The following PLBD2 variants were observed in gnomAD, a reference collection of about 807,000 sequenced individuals.
PLBD2 encodes putative aminopeptidase PLBD2.
A neutral mutation model predicts 68.3 loss-of-function variants in PLBD2; 51 were observed. That is an observed-to-expected ratio of 0.75 (90% CI 0.60 to 0.94). The LOEUF (loss-of-function observed/expected upper bound fraction) is 0.94, where lower values mean the gene tolerates loss of function less well. Ranked by LOEUF, PLBD2 falls within the 40% of genes least tolerant of loss-of-function variation. PLBD2 has a pLI of 0.00. For synonymous variants in PLBD2, 314 were observed against 339.3 expected (o/e 0.93, Z 0.82); for missense variants, 729 against 792.2 (o/e 0.92, Z 0.96).
At chr12:113,383,993 T>G in intron 6 of PLBD2, 112 bp from the exon 7 acceptor site, 1 of 830,784 alleles carries the variant, frequency 1.2e-6, no homozygotes, top group Non-Finnish European at 1.7e-6. Context: ...TGAGACTCTA[T>G]CTCAAAAAAA....
In PLBD2 at chr12:113,388,493, T is replaced by A. The variant is rs1259191772; in HGVS notation, c.1637T>A (p.Leu546Gln). 2 of 1,604,434 alleles carry A rather than the reference T, an allele frequency of 1.2e-6. No homozygotes were observed. The highest frequency in any genetic ancestry group is 4.5e-5 in the East Asian group (2 of 44,548). ...ATGTCACTGGCCAGGATCCTGAGCC[T>A]GCTGGCGGCCAGCGGTCCCACGTGG... ...TSMSLARILS[L>Q]LAASGPTWDQ... The change falls in exon 12 of 12, where the codon CTG becomes CAG. Residue 546 changes from leucine to glutamine, a missense_variant. Physicochemically the swap from Leu to Gln is moderately radical, Grantham distance 113 (BLOSUM62 -2). Coordinates refer to ENST00000280800, the MANE Select transcript of PLBD2 (RefSeq NM_173542.4).
At chr12:113,382,689 C>G (rs1367327104) in intron 6 of PLBD2, among the ~76,000 whole-genome samples, 1 of 151,776 alleles carries the variant, frequency 6.6e-6, no homozygotes, top group South Asian at 2.1e-4. Flanking sequence ...GCAATCTGAC[C>G]CCCTTGGCCT....
chr12:113,387,041 G>A lies in PLBD2; in HGVS notation c.1391G>A (p.Arg464Gln), dbSNP rs748693541. 8 of 1,611,036 alleles carry A rather than the reference G, an allele frequency of 5.0e-6. No homozygotes were observed. The highest frequency in any genetic ancestry group is 1.7e-5 in the Admixed American group (1 of 59,490). ...AGCCCCCGGGCCCAGATCTTCCGGC[G>A]GAACCAGTCACTGGTACAAGACATG... ...DGSPRAQIFR[R>Q]NQSLVQDMDS... The change falls in exon 10 of 12, where the codon CGG becomes CAG. Residue 464 changes from arginine (R) to glutamine (Q), a missense_variant. Physicochemically the swap from Arg to Gln is conservative, Grantham distance 43 (BLOSUM62 1). Transcript: ENST00000280800.
At chr12:113,370,475 T>TC (rs889885753) in intron 2 of PLBD2, among the ~76,000 whole-genome samples, 1 of 129,216 alleles carries the variant, frequency 7.7e-6, no homozygotes, top group African/African-American at 3.3e-5. Context: ...TTCTTTTCTT[T>TC]TTTTTTTTTT....
Position 113,372,614 on chromosome 12 carries a change from G to T in PLBD2, c.385-35G>T. On this transcript the variant is annotated intron_variant, in intron 2 of 11. Transcript: ENST00000280800. This position sits in a 1 kb window ranked among gnomAD's most constrained non-coding sequence, Gnocchi z 4.2. ...TCTCAGGGAAGAGAGCACCCCAGCT[G>T]CCCGCCCTTGCCTCGCCCACCCCCT... is the stretch of plus-strand genomic sequence containing the variant. 1 of 1,600,326 alleles carries T rather than the reference G, an allele frequency of 6.2e-7. No homozygotes were observed. Among genetic ancestry groups the T allele is most frequent in the Non-Finnish European group, 8.5e-7 (1 of 1,171,164 alleles).
intron 5 of PLBD2, 55 bp downstream of exon 5, chr12:113,375,062 G>A: frequency 6.5e-7 from 1 of 1,544,732 alleles, no homozygotes; most frequent in Non-Finnish European, 8.9e-7. Context: ...CACACACGTG[G>A]GGAGTGGTCC....
chr12:113,372,746 C>G lies in PLBD2; in HGVS notation c.482C>G (p.Ala161Gly). 6.2e-7 allele frequency: 1 copy of G among 1,614,062 alleles called. No individual in the cohort carries two copies. Among genetic ancestry groups the G allele is most frequent in the Non-Finnish European group, 8.5e-7 (1 of 1,180,024 alleles). ...GAGAGGCTGAAGAGCTTCCTGGAGG[C>G]CAACCTAGAGTGGATGCAGGAAGAG... ...YCERLKSFLEANLEWMQEEME... is the reference protein window; with the variant it reads ...YCERLKSFLEGNLEWMQEEME... The change falls in exon 3 of 12, where the codon GCC becomes GGC. Residue 161 changes from alanine to glycine, a missense_variant. By Grantham distance (60) the Ala-to-Gly change is moderately conservative. Transcript: ENST00000280800. The surrounding 1 kb of genome is among the most constrained non-coding windows in gnomAD (Gnocchi z 4.2).
In PLBD2 at chr12:113,388,515, G is replaced by C; in HGVS notation, c.1659G>C (p.Thr553=). 1 of 1,609,474 alleles carries C rather than the reference G, an allele frequency of 6.2e-7. No individual in the cohort carries two copies. ...GCCTGCTGGCGGCCAGCGGTCCCAC[G>C]TGGGACCAGGTGCCCCCGTTCCAGT... The part of the protein sequence containing the change: ...ILSLLAASGP[T]WDQVPPFQWS... The change falls in exon 12 of 12, where the codon ACG becomes ACC. Residue 553 remains threonine, a synonymous_variant. Transcript: ENST00000280800.
At chr12:113,373,624 C>G (rs762004521) in intron 3 of PLBD2, among the ~76,000 whole-genome samples, 4 of 151,672 alleles carry the variant, frequency 2.6e-5, no homozygotes, top group African/African-American at 9.7e-5. Context: ...ACCCACTCAC[C>G]CATCTACCTA....
intron 6 of PLBD2, among the ~76,000 whole-genome samples, chr12:113,381,453 G>A (rs1957489769): frequency 6.6e-6 from 1 of 152,090 alleles, no homozygotes; most frequent in South Asian, 2.1e-4. Flanking sequence ...CCAGGGCAAC[G>A]AGACAGAGGA....
rs370315790 is a variant in PLBD2 at position 113,388,663 on chromosome 12, A to G, written c.*37A>G. The G allele has an allele frequency of 6.6e-6, 10 of 1,521,722 alleles. No individual in the cohort carries two copies. The African/African-American group carries it at 9.8e-5, about 15-fold the overall frequency. The allele number at this position is 1,521,722 out of a possible 1,614,324, so 94.3% of individuals were successfully genotyped here. A position where few individuals can be genotyped will look rare whatever the true frequency, so the allele number is the denominator to read the frequency against. On this transcript the variant is annotated 3_prime_UTR_variant, in exon 12 of 12. Coordinates refer to ENST00000280800, the MANE Select transcript of PLBD2 (RefSeq NM_173542.4). ...TGCTCTGCTGCTTTCGCCCCTGCTGACCCTCGTCAGGGTCACCCCCGTCCC... is the reference window on the plus strand; with the variant it reads ...TGCTCTGCTGCTTTCGCCCCTGCTGGCCCTCGTCAGGGTCACCCCCGTCCC...
chr12:113,386,216 T>C (rs532293690), intron 9 of PLBD2, among the ~76,000 whole-genome samples: 4 of 152,284 alleles, frequency 2.6e-5, no homozygotes, highest in Admixed American at 6.5e-5. Flanking sequence ...AGAGACAGAG[T>C]CTCGCTCTGT....
At chr12:113,386,639 C>A (rs1957556126) in intron 9 of PLBD2, among the ~76,000 whole-genome samples, 1 of 152,134 alleles carries the variant, frequency 6.6e-6, no homozygotes, top group Non-Finnish European at 1.5e-5. Context: ...ATGCCTCAGC[C>A]TCCCGAGTAG....
At chr12:113,380,282 G>A (rs188912259) in intron 5 of PLBD2, among the ~76,000 whole-genome samples, 151 of 152,178 alleles carry the variant, frequency 9.9e-4, no homozygotes, top group Admixed American at 1.6e-3. Flanking sequence ...GACTATAGGC[G>A]CACGCCACCA....
At chr12:113,368,984 A>G (rs1957364559) in intron 1 of PLBD2, 132 bp from the exon 2 acceptor site, 3 of 592,796 alleles carry the variant, frequency 5.1e-6, no homozygotes, top group African/African-American at 1.9e-5. Context: ...CAAGCTCACA[A>G]AGATGGACAG....
At chr12:113,358,950 A>G (rs1422506155) in intron 1 of PLBD2, 60 bp downstream of exon 1, 1 of 1,446,636 alleles carries the variant, frequency 6.9e-7, no homozygotes, top group East Asian at 3.0e-5. Flanking sequence ...TGGGCGCCGG[A>G]CCTCGCCTGT....
chr12:113,361,858 C>T (rs1190851573), intron 1 of PLBD2, among the ~76,000 whole-genome samples: 3 of 152,072 alleles, frequency 2.0e-5, no homozygotes, highest in Admixed American at 6.6e-5. Flanking sequence ...ACCTTATCGA[C>T]GAGGTTGCTT....
At chr12:113,368,997 A>G in intron 1 of PLBD2, 119 bp from the exon 2 acceptor site, 1 of 619,116 alleles carries the variant, frequency 1.6e-6, no homozygotes, top group Non-Finnish European at 2.8e-6. Context: ...ATGGACAGAC[A>G]GACATTCACG....
Position 113,384,410 on chromosome 12 carries a change from G to A in PLBD2, c.1118+145G>A. ...TTTGTTTCATACATGGGGAGACTGA[G>A]GCTAGGGAAGGAAAGGATTTGCCCC... On this transcript the variant is annotated intron_variant, in intron 7 of 11. Transcript: ENST00000280800. The surrounding 1 kb of genome is among the most constrained non-coding windows in gnomAD (Gnocchi z 4.2). 8.9e-7 allele frequency: 1 copy of A among 1,119,652 alleles called. No homozygotes were observed. The highest frequency in any genetic ancestry group is 1.2e-6 in the Non-Finnish European group (1 of 812,202). The allele number at this position is 1,119,652 out of a possible 1,614,324, so 69.4% of individuals were successfully genotyped here.
Sources: allele counts gnomAD v4.1 joint callset (sites outside exome capture counted in the v4.1 genomes callset), GRCh38; gene constraint gnomAD v4.1.1; non-coding constraint Gnocchi (gnomAD v3.1); transcripts MANE v1.5; gene names NCBI Gene and HGNC (gene_info 2026-07-23, HGNC 2026-07-21).